Variants in CNTN2 observed in about 807,000 individuals in gnomAD.
CNTN2 encodes contactin 2.
A neutral mutation model predicts 117.5 loss-of-function variants in CNTN2; 53 were observed. That is an observed-to-expected ratio of 0.45 (90% confidence interval 0.36 to 0.57). The LOEUF (loss-of-function observed/expected upper bound fraction) is 0.57. Ranked by LOEUF, CNTN2 falls within the 20% of genes least tolerant of loss-of-function variation. The pLI, the probability that CNTN2 is intolerant of heterozygous loss-of-function variation, is 0.00. For missense variants in CNTN2, 1,106 were observed against 1,404.3 expected (o/e 0.79, Z 3.39); for synonymous variants, 530 against 561.7 (o/e 0.94, Z 0.80).
chr1:205,064,646 C>G lies in CNTN2; in HGVS notation c.1415C>G (p.Thr472Ser), dbSNP rs201092596. 1.2e-6 allele frequency: 2 copies of G among 1,614,148 alleles called. No homozygotes were observed. Among genetic ancestry groups the G allele is most frequent in the Non-Finnish European group, 1.7e-6 (2 of 1,180,020 alleles). Residue 472 changes from threonine to serine, a missense_variant, in exon 12 of 23, where the codon ACC (threonine) becomes AGC (serine). Coordinates refer to ENST00000331830, the MANE Select transcript of CNTN2 (RefSeq NM_005076.5). Reference sequence around the variant, plus strand: ...AGAGTGACTGTAACTCCAGATGGCACCTTGATCATAAGAAACATCAGCCGG... The same window carrying G: ...AGAGTGACTGTAACTCCAGATGGCAGCTTGATCATAAGAAACATCAGCCGG... ...SSRVTVTPDG[T>S]LIIRNISRSD...
intron 1 of CNTN2, among the ~76,000 whole-genome samples, chr1:205,045,641 T>C (rs568682224): frequency 2.2e-4 from 34 of 152,036 alleles, no homozygotes; most frequent in Admixed American, 1.6e-3. Context: ...GTGTGGGTGG[T>C]ATTTGTATTT....
intron 16 of CNTN2, chr1:205,068,885 G>A (rs1482719993): frequency 6.6e-6 from 1 of 152,256 alleles, no homozygotes; most frequent in African/African-American, 2.4e-5. Context: ...TGCAGGAGCT[G>A]ATGAAATAAA....
rs1376619531 is a variant in CNTN2, at chr1:205,069,955, C to G, written c.2325C>G (p.Asn775Lys). 1 of 1,613,764 alleles carries G rather than the reference C, an allele frequency of 6.2e-7. No individual in the cohort carries two copies. The highest frequency in any genetic ancestry group is 8.5e-7 in the Non-Finnish European group (1 of 1,180,018). Residue 775 changes from asparagine to lysine, a missense_variant, in exon 18 of 23, where the codon AAC becomes AAG. By Grantham distance (94) the Asn-to-Lys change is moderately conservative. Coordinates refer to ENST00000331830, the MANE Select transcript of CNTN2 (RefSeq NM_005076.5). ...ATGCCCAGTACTTTGTCTACAGCAACGAGAGCGTCCGGCCCTACACGCCCT... is the reference window on the plus strand; with the variant it reads ...ATGCCCAGTACTTTGTCTACAGCAAGGAGAGCGTCCGGCCCTACACGCCCT... ...GADAQYFVYS[N>K]ESVRPYTPFE...
rs759256573 is a variant in CNTN2 at position 205,066,472 on chromosome 1, G to A, written c.1848G>A (p.Val616=). 2 of 1,613,960 alleles carry A rather than the reference G, an allele frequency of 1.2e-6. No individual in the cohort carries two copies. The highest frequency in any genetic ancestry group is 1.7e-6 in the Non-Finnish European group (2 of 1,180,046). ...GPPGPPGGVV[V]RDIGDTTIQL... ...CAGGTCCCCCAGGAGGTGTGGTGGT[G>A]AGGGACATTGGCGACACCACCATCC... The change falls in exon 15 of 23, where the codon GTG becomes GTA. Residue 616 remains valine (V), a synonymous_variant. Coordinates refer to ENST00000331830, the MANE Select transcript of CNTN2 (RefSeq NM_005076.5).
chr1:205,057,859 C>A, intron 2 of CNTN2, 62 bp from the exon 3 acceptor site: 1 of 1,578,200 alleles, frequency 6.3e-7, no homozygotes, highest in Admixed American at 1.7e-5. Flanking sequence ...CAGCACAGCC[C>A]AAGAGGCCAG....
At position 205,070,485 on chromosome 1, in the gene CNTN2, G is replaced by A. The variant is rs745457520; in HGVS notation, c.2491G>A (p.Val831Met). The change falls in exon 19 of 23, where the codon GTG becomes ATG. Residue 831 changes from valine (V) to methionine (M), a missense_variant. Physicochemically the swap from Val to Met is conservative, Grantham distance 21 (BLOSUM62 1). Coordinates refer to ENST00000331830, the MANE Select transcript of CNTN2 (RefSeq NM_005076.5). ...AGGGGTCTCATCCTCAGAGATGAAC[G>A]TGACCTGGGAACCCGTGCAGCAGGA... is the stretch of plus-strand genomic sequence containing the variant. ...AKGVSSSEMN[V>M]TWEPVQQDMN... is the part of the protein sequence containing the mutation. 42 of 1,613,942 alleles carry A rather than the reference G, an allele frequency of 2.6e-5. No individual in the cohort carries two copies. Among genetic ancestry groups the A allele is most frequent in the Non-Finnish European group, 3.2e-5 (38 of 1,179,982 alleles).
chr1:205,063,459 T>A (rs1210200401), intron 10 of CNTN2: 1 of 151,874 alleles, frequency 6.6e-6, no homozygotes, highest in Non-Finnish European at 1.5e-5. Context: ...TGAAACCCCA[T>A]GTCTATGAAA....
intron 10 of CNTN2, chr1:205,063,566 C>T (rs907672878): frequency 6.0e-5 from 9 of 150,394 alleles, no homozygotes; most frequent in African/African-American, 2.2e-4. Context: ...GAGGCAGAGG[C>T]TGCAGTGAAC....
rs781749087 is a variant in CNTN2 at position 205,064,377 on chromosome 1, C to A, written c.1296C>A (p.Arg432=). 6 of 1,609,730 alleles carry A rather than the reference C, an allele frequency of 3.7e-6. No homozygotes were observed. Among genetic ancestry groups the A allele is most frequent in the Non-Finnish European group, 5.1e-6 (6 of 1,176,436 alleles). Reference sequence around the variant, plus strand: ...TGAGGCGTCTGATCCCCGCGGCCCGCGGGGGAGAGATCCTTATCCCCTGCC... The same window carrying A: ...TGAGGCGTCTGATCCCCGCGGCCCGAGGGGGAGAGATCCTTATCCCCTGCC... ...NPVRRLIPAA[R]GGEILIPCQP... Residue 432 remains arginine (R), a synonymous_variant, in exon 11 of 23, where the codon CGC becomes CGA. Coordinates refer to ENST00000331830, the MANE Select transcript of CNTN2 (RefSeq NM_005076.5).
intron 7 of CNTN2, chr1:205,060,972 G>A (rs1005262454): frequency 3.4e-4 from 145 of 421,124 alleles, no homozygotes; most frequent in Non-Finnish European, 4.4e-4. Context: ...CAGCTTCAGG[G>A]TGCAGACCCC....
At chr1:205,071,211 A>G (rs544937635) in intron 19 of CNTN2, among the ~76,000 whole-genome samples, 5 of 152,302 alleles carry the variant, frequency 3.3e-5, no homozygotes, top group South Asian at 2.1e-4. Flanking sequence ...GAGCCGCTCT[A>G]TGGACAGTTG....
At position 205,073,505 on chromosome 1, in the gene CNTN2, C is replaced by T. The variant is rs1558557451; in HGVS notation, c.3014-151C>T. ...CAATAGCAAACGGCCTACAAAGCAC[C>T]GTAGGAGTCGGACTGAGAAGACCAC... On this transcript the variant is annotated intron_variant, in intron 22 of 22. Transcript: ENST00000331830. The surrounding 1 kb of genome is among the most constrained non-coding windows in gnomAD (Gnocchi z 6.3). 4 of 756,814 alleles carry T rather than the reference C, an allele frequency of 5.3e-6. No individual in the cohort carries two copies. Among genetic ancestry groups the T allele is most frequent in the Non-Finnish European group, 8.7e-6 (4 of 460,710 alleles). 46.9% of individuals were successfully genotyped at this position (756,814 alleles called of 1,614,324 possible).
chr1:205,065,405 T>C lies in CNTN2; in HGVS notation c.1695+143T>C. 1 of 872,666 alleles carries C rather than the reference T, an allele frequency of 1.1e-6. No individual in the cohort carries two copies. Among genetic ancestry groups the C allele is most frequent in the Admixed American group, 2.6e-5 (1 of 38,452 alleles). 54.1% of individuals were successfully genotyped at this position (872,666 alleles called of 1,614,324 possible). A position where few individuals can be genotyped will look rare whatever the true frequency, so the allele number is the denominator to read the frequency against. ...CTCAGGCCCACACATGGCAAGCTCA[T>C]CCTTGGATGAACAGCTGACCTTCCT... On this transcript the variant is annotated intron_variant, in intron 13 of 22. Transcript: ENST00000331830. The surrounding 1 kb of genome is among the most constrained non-coding windows in gnomAD (Gnocchi z 4.1).
chr1:205,061,715 GC>G lies in CNTN2; in HGVS notation c.974-145del. ...AGCTTTCTTGTGCCTCCTTCTTCCGGCCCCCTCCTCTTTGTCCTCTCCATCT... is the reference window on the plus strand; with the variant it reads ...AGCTTTCTTGTGCCTCCTTCTTCCGGCCCCTCCTCTTTGTCCTCTCCATCT... On this transcript the variant is annotated intron_variant, in intron 8 of 22. Transcript: ENST00000331830. The surrounding 1 kb of genome is among the most constrained non-coding windows in gnomAD (Gnocchi z 4.8). The G allele has an allele frequency of 9.3e-7, 1 of 1,071,202 alleles. No individual in the cohort carries two copies. Among genetic ancestry groups the G allele is most frequent in the East Asian group, 2.6e-5 (1 of 38,468 alleles). 66.4% of individuals were successfully genotyped at this position (1,071,202 alleles called of 1,614,324 possible).
chr1:205,052,835 A>T (rs1371801068), intron 1 of CNTN2, among the ~76,000 whole-genome samples: 1 of 152,118 alleles, frequency 6.6e-6, no homozygotes, highest in African/African-American at 2.4e-5. Flanking sequence ...TCACTTCCTA[A>T]GCGGCACCCC....
rs572974052 is a variant in CNTN2, at chr1:205,075,067, G to A, written c.*1302G>A. 2.5e-6 allele frequency: 1 copy of A among 396,448 alleles called. No homozygotes were observed. Among genetic ancestry groups the A allele is most frequent in the South Asian group, 1.4e-4 (1 of 6,998 alleles). The allele number at this position is 396,448 out of a possible 1,614,324, so 24.6% of individuals were successfully genotyped here. A position where few individuals can be genotyped will look rare whatever the true frequency, so the allele number is the denominator to read the frequency against. ...TGAGGAAATGGAGGTGGTCCAGAGAGGGTCTGGGATTCCCAAGGTCACACA... is the reference window on the plus strand; with the variant it reads ...TGAGGAAATGGAGGTGGTCCAGAGAAGGTCTGGGATTCCCAAGGTCACACA... On this transcript the variant is annotated 3_prime_UTR_variant, in exon 23 of 23. Transcript: ENST00000331830.
In CNTN2 at chr1:205,069,343, C is replaced by G. The variant is rs551907089; in HGVS notation, c.2126-148C>G. ...ATTTCAGGACTGCCTGACTCCAAAG[C>G]CTATGTTCAGAGGGACCACTGGGGG... On this transcript the variant is annotated intron_variant, in intron 16 of 22. Coordinates refer to ENST00000331830, the MANE Select transcript of CNTN2 (RefSeq NM_005076.5). 1,352 of 636,310 alleles carry G rather than the reference C, an allele frequency of 2.1e-3. 3 individuals are homozygous for G. The highest frequency in any genetic ancestry group is 2.8e-3 in the Non-Finnish European group (1,051 of 370,336). The allele number at this position is 636,310 out of a possible 1,614,324, so 39.4% of individuals were successfully genotyped here. A position where few individuals can be genotyped will look rare whatever the true frequency, so the allele number is the denominator to read the frequency against.
chr1:205,058,600 C>T lies in CNTN2; in HGVS notation c.424C>T (p.Pro142Ser), dbSNP rs143259493. 26 of 1,613,794 alleles carry T rather than the reference C, an allele frequency of 1.6e-5. No individual in the cohort carries two copies. In the African/African-American group the frequency reaches 3.1e-4, roughly 19 times the overall value. ...LQEFSKEERD[P>S]VKAHEGWGVM... Reference sequence around the variant, plus strand: ...GGAATTCTCCAAGGAGGAGCGAGACCCAGTGAAAGCTCATGAAGGCTGGGG... The same window carrying T: ...GGAATTCTCCAAGGAGGAGCGAGACTCAGTGAAAGCTCATGAAGGCTGGGG... The change falls in exon 5 of 23, where the codon CCA becomes TCA. Residue 142 changes from proline (P) to serine (S), a missense_variant. Coordinates refer to ENST00000331830, the MANE Select transcript of CNTN2 (RefSeq NM_005076.5). This position sits in a 1 kb window ranked among gnomAD's most constrained non-coding sequence, Gnocchi z 4.3.
chr1:205,054,255 C>T (rs1405906698), intron 2 of CNTN2, among the ~76,000 whole-genome samples: 3 of 152,222 alleles, frequency 2.0e-5, no homozygotes, highest in Non-Finnish European at 4.4e-5. Context: ...AGGCTACAGC[C>T]GGTGCATTTC....
Sources: gnomAD v4.1 joint callset for allele counts (sites outside exome capture counted in the v4.1 genomes callset) on GRCh38, gnomAD v4.1.1 for gene constraint, Gnocchi (gnomAD v3.1) non-coding constraint, MANE v1.5 for transcripts, NCBI Gene and HGNC (gene_info 2026-07-23, HGNC 2026-07-21) for gene names.